RUBCN: variants seen among roughly 807,000 people sequenced by gnomAD.
RUBCN encodes the protein run domain Beclin-1-interacting and cysteine-rich domain-containing protein.
Under a neutral mutation model 113.2 loss-of-function variants are expected in RUBCN, and 74 were observed. That is an observed-to-expected ratio of 0.65 (90% CI 0.54 to 0.79). The LOEUF (loss-of-function observed/expected upper bound fraction) is 0.79. RUBCN is among the 30% of genes least tolerant of loss of function. RUBCN has a pLI of 0.00. For missense variants in RUBCN, 1,109 were observed against 1,251.7 expected (o/e 0.89, Z 1.72); for synonymous variants, 480 against 490.0 (o/e 0.98, Z 0.27).
upstream of RUBCN, among the ~76,000 whole-genome samples, chr3:197,741,839 A>T (rs1728536012): frequency 6.6e-6 from 1 of 152,032 alleles, no homozygotes; most frequent in South Asian, 2.1e-4. Flanking sequence ...TCAAAAAAAA[A>T]AAACCCCAAA....
intron 5 of RUBCN, among the ~76,000 whole-genome samples, chr3:197,702,478 C>T (rs1723792411): frequency 6.6e-6 from 1 of 152,164 alleles, no homozygotes; most frequent in South Asian, 2.1e-4. Context: ...GCCTGGCCAA[C>T]ATGGTGAAAC....
chr3:197,681,106 G>A lies in RUBCN; in HGVS notation c.2430+23C>T, dbSNP rs1177727690. On this transcript the variant is annotated intron_variant, in intron 16 of 19. Coordinates refer to ENST00000296343, the MANE Select transcript of RUBCN (RefSeq NM_014687.4). The surrounding 1 kb of genome is among the most constrained non-coding windows in gnomAD (Gnocchi z 5.5). The stretch of plus-strand genomic sequence containing the variant: ...GGGGAGGAGAAGGGCAAGACTCTAA[G>A]GTGGCCTTTTCCAAGGTCTTACCCG... 2.0e-6 allele frequency: 3 copies of A among 1,505,598 alleles called. No individual in the cohort carries two copies. Among genetic ancestry groups the A allele is most frequent in the Middle Eastern group, 1.9e-4 (1 of 5,154 alleles). 93.3% of individuals were successfully genotyped at this position (1,505,598 alleles called of 1,614,324 possible). A position where few individuals can be genotyped will look rare whatever the true frequency, so the allele number is the denominator to read the frequency against.
intron 12 of RUBCN, 25 bp downstream of exon 12, chr3:197,684,132 T>G: frequency 6.3e-7 from 1 of 1,575,828 alleles, no homozygotes; most frequent in Non-Finnish European, 8.7e-7. Flanking sequence ...TTCTTTTCTT[T>G]TTTTTGGTAA....
chr3:197,745,285 A>AC (rs1319419206), intron 1 of RUBCN, among the ~76,000 whole-genome samples: 1 of 7,174 alleles, frequency 1.4e-4, no homozygotes, highest in Non-Finnish European at 1.2e-3. Flanking sequence ...ATGCTGTCTC[A>AC]AAAAAAAAAA....
At chr3:197,708,663 C>A (rs1209495100) in intron 2 of RUBCN, among the ~76,000 whole-genome samples, 1 of 151,578 alleles carries the variant, frequency 6.6e-6, no homozygotes, top group Admixed American at 6.6e-5. Context: ...ATAGATAATT[C>A]TCTAGAATAA....
chr3:197,696,178 C>T (rs1722979514), intron 8 of RUBCN, among the ~76,000 whole-genome samples, 197 bp from the exon 9 acceptor site: 1 of 152,126 alleles, frequency 6.6e-6, no homozygotes, highest in East Asian at 1.9e-4. Flanking sequence ...TTGAGACCAG[C>T]CTGGCCAACA....
intron 1 of RUBCN, among the ~76,000 whole-genome samples, chr3:197,726,983 A>G (rs1306016830): frequency 7.4e-6 from 1 of 135,052 alleles, no homozygotes; most frequent in Non-Finnish European, 1.5e-5. Context: ...TCTGTCGCCC[A>G]GGCTGGAGGG....
At chr3:197,684,668 A>G (rs184056160) in intron 11 of RUBCN, among the ~76,000 whole-genome samples, 3 of 151,898 alleles carry the variant, frequency 2.0e-5, no homozygotes, top group African/African-American at 4.8e-5. Context: ...ACATATATAT[A>G]TACACACACA....
chr3:197,686,173 G>T (rs1009209107), intron 11 of RUBCN, among the ~76,000 whole-genome samples: 9 of 152,146 alleles, frequency 5.9e-5, no homozygotes, highest in African/African-American at 2.2e-4. Context: ...CAGACAGGTG[G>T]TAATTCATGG....
chr3:197,678,584 T>C (rs1408714463), intron 16 of RUBCN, among the ~76,000 whole-genome samples: 8 of 151,230 alleles, frequency 5.3e-5, no homozygotes, highest in African/African-American at 1.9e-4. Flanking sequence ...TCCTACACTC[T>C]GACAACTGGC....
chr3:197,735,956 T>C (rs1188798690), intron 1 of RUBCN, among the ~76,000 whole-genome samples: 4 of 152,192 alleles, frequency 2.6e-5, no homozygotes, highest in African/African-American at 9.7e-5. Context: ...CATGGTTCCA[T>C]ATAAATAAAT....
At chr3:197,719,118 T>G (rs898552496) in intron 1 of RUBCN, among the ~76,000 whole-genome samples, 8 of 152,168 alleles carry the variant, frequency 5.3e-5, no homozygotes, top group African/African-American at 1.9e-4. Flanking sequence ...GTCTGACTCA[T>G]GACGTGACTC....
chr3:197,729,254 TTTTGTTTG>T (rs1049350582), intron 1 of RUBCN, among the ~76,000 whole-genome samples: 2 of 151,642 alleles, frequency 1.3e-5, no homozygotes, highest in Non-Finnish European at 2.9e-5. Flanking sequence ...TTTTGTTTTG[TTTTGTTTG>T]TTGTTTTTGA....
At chr3:197,693,180 T>C (rs1722619105) in intron 11 of RUBCN, among the ~76,000 whole-genome samples, 1 of 152,158 alleles carries the variant, frequency 6.6e-6, no homozygotes, top group East Asian at 1.9e-4. Flanking sequence ...ATGCTGATAC[T>C]CCTACCACCA....
intron 7 of RUBCN, chr3:197,699,366 G>A (rs966536010): frequency 3.2e-6 from 2 of 631,786 alleles, no homozygotes; most frequent in Non-Finnish European, 5.7e-6. Flanking sequence ...AGTTGTGAAG[G>A]ACGGATGGCT....
intron 2 of RUBCN, among the ~76,000 whole-genome samples, chr3:197,715,676 T>TGTG (rs1725444763): frequency 6.6e-6 from 1 of 152,154 alleles, no homozygotes; most frequent in African/African-American, 2.4e-5. Context: ...AGCTAACACA[T>TGTG]GAAGGAGCTG....
At chr3:197,677,621 A>T (rs1553888377) in intron 16 of RUBCN, 80 bp from the exon 17 acceptor site, 2 of 1,308,114 alleles carry the variant, frequency 1.5e-6, no homozygotes, top group Non-Finnish European at 2.2e-6. Flanking sequence ...AGGGCCTTTA[A>T]ACCCTGGGGT....
chr3:197,697,093 A>G (rs1356652345), intron 7 of RUBCN, 44 bp from the exon 8 acceptor site: 4 of 948,312 alleles, frequency 4.2e-6, no homozygotes, highest in Non-Finnish European at 7.0e-6. Context: ...ATACGAAATG[A>G]GCAACAGGTA....
At chr3:197,743,197 C>T (rs903390477) in intron 1 of RUBCN, among the ~76,000 whole-genome samples, 5 of 152,198 alleles carry the variant, frequency 3.3e-5, no homozygotes, top group Admixed American at 6.5e-5. Context: ...CCTGCAACCC[C>T]GTCTGTCATG....
Sources: gnomAD v4.1 joint callset for allele counts (sites outside exome capture counted in the v4.1 genomes callset) on GRCh38, gnomAD v4.1.1 for gene constraint, Gnocchi (gnomAD v3.1) non-coding constraint, MANE v1.5 for transcripts, NCBI Gene and HGNC (gene_info 2026-07-23, HGNC 2026-07-21) for gene names.